FBXL2: variants seen among roughly 807,000 people sequenced by gnomAD.
FBXL2 encodes F-box and leucine rich repeat protein 2.
In FBXL2, 38 loss-of-function variants were observed where a neutral mutation model predicts 69.2. That is an observed-to-expected ratio of 0.55 (90% confidence interval 0.42 to 0.72). The LOEUF (loss-of-function observed/expected upper bound fraction) is 0.72, where lower values mean the gene tolerates loss of function less well. Ranked by LOEUF, FBXL2 falls within the 30% of genes least tolerant of loss-of-function variation. The pLI is 0.00. For missense variants in FBXL2, 354 were observed against 520.3 expected (o/e 0.68, Z 3.11); for synonymous variants, 192 against 201.3 (o/e 0.95, Z 0.39).
intron 2 of FBXL2, among the ~76,000 whole-genome samples, chr3:33,357,799 G>A: frequency 6.6e-6 from 1 of 152,092 alleles, no homozygotes; most frequent in South Asian, 2.1e-4. Flanking sequence ...AAAGTGCTGG[G>A]ATTACAGGCG....
At chr3:33,406,357 G>A (rs2044427360), downstream of FBXL2, among the ~76,000 whole-genome samples, 1 of 152,212 alleles carries the variant, frequency 6.6e-6, no homozygotes, top group African/African-American at 2.4e-5. Context: ...GAGCTGACTA[G>A]CAAATCTAAT....
chr3:33,396,699 T>C (rs189640262), intron 12 of FBXL2: 206 of 485,498 alleles, frequency 4.2e-4, no homozygotes, highest in African/African-American at 3.6e-3. Flanking sequence ...AATAACTGTT[T>C]AGTAATAGTC....
intron 2 of FBXL2, among the ~76,000 whole-genome samples, chr3:33,319,674 A>G (rs180983312): frequency 2.7e-4 from 41 of 152,322 alleles, no homozygotes; most frequent in African/African-American, 9.9e-4. Flanking sequence ...ATTTTAATGT[A>G]TGAGTTATTT....
chr3:33,414,440 C>CA, the FBXL2 span, among the ~76,000 whole-genome samples: 1 of 151,814 alleles, frequency 6.6e-6, no homozygotes, highest in Admixed American at 6.6e-5. Context: ...AAAAATAGGA[C>CA]AAAAAAAGAC....
intron 2 of FBXL2, chr3:33,300,462 T>C (rs2036171499): frequency 6.6e-6 from 1 of 152,222 alleles, no homozygotes; most frequent in South Asian, 2.1e-4. Flanking sequence ...AATTGCCATT[T>C]GTGAGCAAAT....
chr3:33,378,571 T>G, intron 12 of FBXL2, 114 bp from the exon 13 acceptor site: 2 of 1,055,944 alleles, frequency 1.9e-6, no homozygotes, highest in Non-Finnish European at 2.8e-6. Flanking sequence ...CCAGAGTGTT[T>G]GAGATGAGTT....
downstream of FBXL2, chr3:33,390,312 G>C (rs1304456786): frequency 1.9e-6 from 3 of 1,609,414 alleles, no homozygotes; most frequent in African/African-American, 1.3e-5. Context: ...ACTGAATACA[G>C]TTCAGTCTAT....
At chr3:33,290,928 T>TG (rs530515312) in intron 1 of FBXL2, among the ~76,000 whole-genome samples, 4 of 151,912 alleles carry the variant, frequency 2.6e-5, no homozygotes, top group Admixed American at 6.6e-5. Context: ...CAGAGGACAA[T>TG]GAAATAATTT....
chr3:33,295,384 A>G (rs79739013), intron 1 of FBXL2, among the ~76,000 whole-genome samples: 14,860 of 152,244 alleles, frequency 0.098, 755 homozygotes, highest in South Asian at 0.11. Context: ...CATATTTTCA[A>G]GACTCATTCC....
At chr3:33,397,317 T>C in intron 12 of FBXL2, 1 of 476,804 alleles carries the variant, frequency 2.1e-6, no homozygotes, top group Non-Finnish European at 3.6e-6. Flanking sequence ...AGGAAAATGC[T>C]GGCTTTTCCA....
At chr3:33,380,036 T>G (rs954360258) in intron 13 of FBXL2, among the ~76,000 whole-genome samples, 1 of 151,240 alleles carries the variant, frequency 6.6e-6, no homozygotes, top group African/African-American at 2.4e-5. Flanking sequence ...ATTGAGACCA[T>G]CCTGGCCAAG....
chr3:33,396,925 A>ATGC (rs2044021045), intron 12 of FBXL2: 7 of 894,104 alleles, frequency 7.8e-6, no homozygotes, highest in Non-Finnish European at 1.3e-5. Context: ...AATGCTGCCA[A>ATGC]TGCTCGATGG....
chr3:33,378,073 A>G, intron 11 of FBXL2, 30 bp from the exon 12 acceptor site: 1 of 1,612,180 alleles, frequency 6.2e-7, no homozygotes, highest in Non-Finnish European at 8.5e-7. Context: ...ACTGACTCAC[A>G]TGTGGGGTGT....
At chr3:33,407,807 A>T (rs2044467464), downstream of FBXL2, among the ~76,000 whole-genome samples, 1 of 152,272 alleles carries the variant, frequency 6.6e-6, no homozygotes, top group Non-Finnish European at 1.5e-5. Context: ...CAGTGAATAC[A>T]GCAGTCACGA....
chr3:33,352,893 TCAAAA>T (rs61461877), intron 2 of FBXL2, among the ~76,000 whole-genome samples: 5,354 of 149,508 alleles, frequency 0.036, 110 homozygotes, highest in Middle Eastern at 0.099. Context: ...AGACTCTGTC[TCAAAA>T]CAAAACAAAA....
At chr3:33,312,550 G>A (rs529280682) in intron 2 of FBXL2, among the ~76,000 whole-genome samples, 1 of 152,242 alleles carries the variant, frequency 6.6e-6, no homozygotes, top group African/African-American at 2.4e-5. Context: ...AGCAGGGAGA[G>A]CTTATCACCA....
At chr3:33,390,175 C>A (rs1465173670), downstream of FBXL2, 1 of 694,214 alleles carries the variant, frequency 1.4e-6, no homozygotes, top group Non-Finnish European at 2.4e-6. Context: ...TGAGGAGATT[C>A]ACCTCTCATA....
intron 2 of FBXL2, among the ~76,000 whole-genome samples, chr3:33,300,954 T>C (rs1372036717): frequency 1.3e-5 from 2 of 152,002 alleles, no homozygotes; most frequent in South Asian, 2.1e-4. Context: ...CCGCCCGCCT[T>C]GGCCTCCCAA....
chr3:33,373,305 G>A lies in FBXL2; in HGVS notation c.405G>A (p.Leu135=). The A allele has an allele frequency of 6.2e-7, 1 of 1,614,104 alleles. No homozygotes were observed. Among genetic ancestry groups the A allele is most frequent in the South Asian group, 1.1e-5 (1 of 91,080 alleles). Residue 135 remains leucine, a synonymous_variant, in exon 7 of 15, where the codon CTG becomes CTA. Transcript: ENST00000484457. The part of the protein sequence containing the change: ...LSRFCSKLKH[L]DLTSCVSITN... The stretch of plus-strand genomic sequence containing the variant: ...GATTCTGTTCCAAGCTGAAACATCT[G>A]GATCTGACCTCCTGTGTGTCTATTA...
Sources: allele counts gnomAD v4.1 joint callset (sites outside exome capture counted in the v4.1 genomes callset), GRCh38; gene constraint gnomAD v4.1.1; transcripts MANE v1.5; gene names NCBI Gene and HGNC (gene_info 2026-07-23, HGNC 2026-07-21).